LRP8: variants seen among roughly 807,000 people sequenced by gnomAD.
The protein encoded by LRP8 is LDL receptor related protein 8.
Under a neutral mutation model 111.6 loss-of-function variants are expected in LRP8, and 46 were observed. The observed-to-expected ratio is 0.41, with a 90% CI of 0.33 to 0.53. The LOEUF (loss-of-function observed/expected upper bound fraction) is 0.53. Among genes scored for constraint, LRP8 ranks in the 20% least tolerant of loss-of-function variants. The probability of loss-of-function intolerance (pLI) is 0.20; values close to 1 mark genes in which losing one functional copy is unlikely to be tolerated. For synonymous variants in LRP8, 464 were observed against 511.2 expected (o/e 0.91, Z 1.24); for missense variants, 959 against 1,297.4 (o/e 0.74, Z 4.01).
intron 2 of LRP8, chr1:53,291,680 G>C (rs1450189300): frequency 6.6e-6 from 1 of 152,226 alleles, no homozygotes; most frequent in Admixed American, 6.5e-5. Context: ...TGAAGGGCCA[G>C]ATAGTAGCTA....
chr1:53,301,904 CA>C (rs1452104869), intron 2 of LRP8, among the ~76,000 whole-genome samples: 1 of 152,148 alleles, frequency 6.6e-6, no homozygotes, highest in East Asian at 1.9e-4. Context: ...GTAACAGCCA[CA>C]ACCCAGAACA....
chr1:53,315,719 G>C (rs1490909336), intron 2 of LRP8, among the ~76,000 whole-genome samples: 1 of 152,184 alleles, frequency 6.6e-6, no homozygotes, highest in Non-Finnish European at 1.5e-5. Context: ...AATTTAAAAA[G>C]CTGCCCCAAG....
chr1:53,315,408 T>C (rs1010194742), intron 2 of LRP8, among the ~76,000 whole-genome samples: 1 of 152,186 alleles, frequency 6.6e-6, no homozygotes, highest in African/African-American at 2.4e-5. Context: ...GCATGCACCA[T>C]GCACTGCTCT....
Position 53,293,450 on chromosome 1 carries a change from A to G in LRP8, c.245-3761T>C, listed in dbSNP as rs11206137. 0.016 allele frequency among the ~76,000 whole-genome samples: 2,470 copies of G among 152,312 alleles called. 69 individuals carry two copies. Among genetic ancestry groups the G allele is most frequent in the African/African-American group, 0.056 (2,319 of 41,538 alleles). ...AATATCCCAGTGACTCCTCACAGCT[A>G]TCTTGGTAGCTGTTGTTATTAATCC... On this transcript the variant is annotated intron_variant, in intron 2 of 18. Coordinates refer to ENST00000306052, the MANE Select transcript of LRP8 (RefSeq NM_004631.5). The surrounding 1 kb of genome is among the most constrained non-coding windows in gnomAD (Gnocchi z 4.9).
chr1:53,288,611 T>C (rs1648024282), intron 3 of LRP8, among the ~76,000 whole-genome samples: 1 of 151,940 alleles, frequency 6.6e-6, no homozygotes, highest in African/African-American at 2.4e-5. Flanking sequence ...AACCCAGTTA[T>C]CACCAGCCAC....
intron 2 of LRP8, chr1:53,306,054 C>T (rs552736044): frequency 6.6e-6 from 1 of 152,360 alleles, no homozygotes; most frequent in African/African-American, 2.4e-5. Context: ...TCCACGACCC[C>T]ATGTGGGATC....
rs1195898538 is a variant in LRP8 at position 53,245,750 on chromosome 1, T to G, written c.*1268A>C. 1 of 152,622 alleles carries G rather than the reference T, an allele frequency of 6.6e-6. No homozygotes were observed. Among genetic ancestry groups the G allele is most frequent in the Non-Finnish European group, 1.5e-5 (1 of 68,044 alleles). The allele number at this position is 152,622 out of a possible 1,614,324, so 9.5% of individuals were successfully genotyped here. On this transcript the variant is annotated 3_prime_UTR_variant, in exon 19 of 19. Transcript: ENST00000306052. ...GTAACCTATTTATTACCTTAAAATG[T>G]TTCCCCACATAAAGGAAATGGTAGA...
Position 53,250,626 on chromosome 1 carries a change from G to A in LRP8, c.2676+64C>T. The A allele has an allele frequency of 7.0e-7, 1 of 1,420,472 alleles. No individual in the cohort carries two copies. Among genetic ancestry groups the A allele is most frequent in the Non-Finnish European group, 9.8e-7 (1 of 1,017,540 alleles). 88.0% of individuals were successfully genotyped at this position (1,420,472 alleles called of 1,614,324 possible). On this transcript the variant is annotated intron_variant, in intron 17 of 18. Coordinates refer to ENST00000306052, the MANE Select transcript of LRP8 (RefSeq NM_004631.5). The surrounding 1 kb of genome is among the most constrained non-coding windows in gnomAD (Gnocchi z 4.6). ...GATGGGAAGGAAGAAAGGATGGGAG[G>A]GGAAGAAAGGATGGAAGGGAAGATG...
Position 53,283,422 on chromosome 1 carries a change from C to CACTT in LRP8, c.368-2711_368-2708dup, listed in dbSNP as rs146939441. ...CATCACATAAGTGGCATACCCGGGC[C>CACTT]ACTTACTTACTACATACCCGGGCCA... On this transcript the variant is annotated intron_variant, in intron 3 of 18. Coordinates refer to ENST00000306052, the MANE Select transcript of LRP8 (RefSeq NM_004631.5). 2.0e-3 allele frequency among the ~76,000 whole-genome samples: 293 copies of CACTT among 144,510 alleles called. 10 individuals are homozygous for CACTT. The East Asian group carries it at 0.036, about 18-fold the overall frequency. 94.8% of individuals were successfully genotyped at this position (144,510 alleles called of 152,430 possible). A position where few individuals can be genotyped will look rare whatever the true frequency, so the allele number is the denominator to read the frequency against.
chr1:53,278,755 CTTT>C (rs139298983), intron 4 of LRP8, among the ~76,000 whole-genome samples: 40,862 of 135,566 alleles, frequency 0.3, 6,862 homozygotes, highest in East Asian at 0.41. Flanking sequence ...ATGGGAAGTG[CTTT>C]TTTTTTTTTT....
At chr1:53,327,303 T>G in intron 1 of LRP8, 1 of 325,002 alleles carries the variant, frequency 3.1e-6, no homozygotes. Flanking sequence ...ATACAGCCCA[T>G]AGGGAGTCCC....
chr1:53,311,216 G>A (rs1473981025), intron 2 of LRP8, among the ~76,000 whole-genome samples: 4 of 151,970 alleles, frequency 2.6e-5, no homozygotes, highest in Non-Finnish European at 5.9e-5. Flanking sequence ...AGTGAGGGGT[G>A]CGCAGGAGGA....
At chr1:53,284,628 A>AT (rs1029423218) in intron 3 of LRP8, among the ~76,000 whole-genome samples, 2 of 152,182 alleles carry the variant, frequency 1.3e-5, no homozygotes, top group African/African-American at 4.8e-5. Context: ...TTTAATGAAT[A>AT]TTTATATAGT....
intron 9 of LRP8, among the ~76,000 whole-genome samples, chr1:53,265,307 T>A (rs1376381977): frequency 2.0e-5 from 3 of 152,142 alleles, no homozygotes; most frequent in African/African-American, 7.2e-5. Context: ...TCTCTTACGA[T>A]CCAGACTGCA....
intron 3 of LRP8, 72 bp from the exon 4 acceptor site, chr1:53,280,787 C>T (rs572630424): frequency 6.3e-7 from 1 of 1,577,234 alleles, no homozygotes; most frequent in East Asian, 2.2e-5. Flanking sequence ...AGTCCTACCA[C>T]CCTGTTCCAG....
intron 1 of LRP8, chr1:53,327,524 C>T (rs1655309497): frequency 7.8e-6 from 3 of 385,340 alleles, no homozygotes; most frequent in Non-Finnish European, 1.3e-5. Flanking sequence ...AATGGCCGCC[C>T]CTCCGGCAAA....
At chr1:53,284,736 G>T (rs1647304523) in intron 3 of LRP8, among the ~76,000 whole-genome samples, 1 of 152,194 alleles carries the variant, frequency 6.6e-6, no homozygotes, top group African/African-American at 2.4e-5. Context: ...TAAATAGACA[G>T]CTCTAATTAT....
At position 53,250,861 on chromosome 1, in the gene LRP8, C is replaced by T. The variant is rs1305875580; in HGVS notation, c.2505G>A (p.Val835=). Residue 835 remains valine, a splice_region_variant and synonymous_variant, in exon 17 of 19, where the codon GTG becomes GTA. Coordinates refer to ENST00000306052, the MANE Select transcript of LRP8 (RefSeq NM_004631.5). The surrounding 1 kb of genome is among the most constrained non-coding windows in gnomAD (Gnocchi z 4.6). The stretch of plus-strand genomic sequence containing the variant: ...CACTCATGCACAGGAGGGCTATCAC[C>T]ACTGGAGGAAGGACACAGGACACTG... ...AAVIGIIVPI[V]VIALLCMSGY... 2.5e-6 allele frequency: 4 copies of T among 1,614,050 alleles called. No individual in the cohort carries two copies. The Admixed American group carries it at 6.7e-5, about 27-fold the overall frequency.
intron 2 of LRP8, among the ~76,000 whole-genome samples, chr1:53,319,563 G>T (rs956627190): frequency 2.0e-5 from 3 of 152,208 alleles, no homozygotes; most frequent in Non-Finnish European, 2.9e-5. Flanking sequence ...TCCCATTGTG[G>T]GTACCTAGGC....
Sources: gnomAD v4.1 joint callset for allele counts (sites outside exome capture counted in the v4.1 genomes callset) on GRCh38, gnomAD v4.1.1 for gene constraint, Gnocchi (gnomAD v3.1) non-coding constraint, MANE v1.5 for transcripts, NCBI Gene and HGNC (gene_info 2026-07-23, HGNC 2026-07-21) for gene names.